SSBP2: variants seen among roughly 807,000 people sequenced by gnomAD.
SSBP2 encodes single-stranded DNA-binding protein 2.
Under a neutral mutation model 61.8 loss-of-function variants are expected in SSBP2, and 17 were observed. The observed-to-expected ratio is 0.28, with a 90% CI of 0.19 to 0.41. The LOEUF (loss-of-function observed/expected upper bound fraction) is 0.41. SSBP2 is among the 10% of genes least tolerant of loss of function. SSBP2 has a pLI of 1.00. For synonymous variants in SSBP2, 139 were observed against 141.3 expected (o/e 0.98, Z 0.12); for missense variants, 310 against 458.7 (o/e 0.68, Z 2.96).
chr5:81,529,412 AGGCATTGC>A (rs1405857511), intron 4 of SSBP2, among the ~76,000 whole-genome samples: 1 of 152,174 alleles, frequency 6.6e-6, no homozygotes, highest in East Asian at 1.9e-4. Flanking sequence ...GCCTAAGCAG[AGGCATTGC>A]CACCTATCCT....
At chr5:81,501,260 TATATATATACACACAC>T (rs1767721594) in intron 5 of SSBP2, among the ~76,000 whole-genome samples, 1 of 49,010 alleles carries the variant, frequency 2.0e-5, no homozygotes, top group African/African-American at 1.4e-4. Flanking sequence ...TATATATATA[TATATATATACACACAC>T]ACACACATGC....
chr5:81,575,198 G>T lies in SSBP2; in HGVS notation c.282+40275C>A, dbSNP rs184130797. Among the ~76,000 whole-genome samples the T allele has an allele frequency of 3.9e-5, 6 of 152,294 alleles. No individual in the cohort carries two copies. The East Asian group carries it at 1.2e-3, about 29-fold the overall frequency. ...CAGGAGAATCACTTGAACTCGGGAG[G>T]TGGAGGTTGCAGTGAGCTGAGATCA... On this transcript the variant is annotated intron_variant, in intron 4 of 16. Transcript: ENST00000320672.
intron 5 of SSBP2, among the ~76,000 whole-genome samples, chr5:81,505,499 ATTT>A (rs1768114067): frequency 6.6e-6 from 1 of 152,184 alleles, no homozygotes; most frequent in African/African-American, 2.4e-5. Flanking sequence ...AATGTGGAGC[ATTT>A]TTGTTTCTGT....
At chr5:81,535,077 G>T (rs1008258556) in intron 4 of SSBP2, among the ~76,000 whole-genome samples, 3 of 151,978 alleles carry the variant, frequency 2.0e-5, no homozygotes, top group Admixed American at 6.6e-5. Context: ...ACAGTAAGGT[G>T]TCAGGATACA....
chr5:81,445,625 T>C (rs1561408204), intron 12 of SSBP2, among the ~76,000 whole-genome samples: 2 of 152,110 alleles, frequency 1.3e-5, no homozygotes, highest in Non-Finnish European at 2.9e-5. Flanking sequence ...AAGTAAAATT[T>C]TGTATTAATT....
chr5:81,582,465 A>G (rs10060208), intron 4 of SSBP2, among the ~76,000 whole-genome samples: 7,925 of 152,258 alleles, frequency 0.052, 385 homozygotes, highest in African/African-American at 0.12. Context: ...TTGCTACTAC[A>G]CAGTAAAATT....
At chr5:81,585,892 G>C (rs1403521161) in intron 4 of SSBP2, among the ~76,000 whole-genome samples, 1 of 152,014 alleles carries the variant, frequency 6.6e-6, no homozygotes, top group Non-Finnish European at 1.5e-5. Context: ...GAGATCATGT[G>C]GTATTTGTCT....
At chr5:81,633,776 G>T (rs1747951229) in intron 3 of SSBP2, among the ~76,000 whole-genome samples, 1 of 152,154 alleles carries the variant, frequency 6.6e-6, no homozygotes, top group Admixed American at 6.6e-5. Flanking sequence ...CTTAACAGCT[G>T]AACTCTTCAC....
chr5:81,598,447 C>T (rs1019423772), intron 4 of SSBP2, among the ~76,000 whole-genome samples: 41 of 152,174 alleles, frequency 2.7e-4, no homozygotes, highest in African/African-American at 9.4e-4. Flanking sequence ...TTCCCTACTA[C>T]ACCCTGTCTG....
At chr5:81,738,215 T>G (rs1186706034) in intron 1 of SSBP2, among the ~76,000 whole-genome samples, 3 of 152,212 alleles carry the variant, frequency 2.0e-5, no homozygotes, top group African/African-American at 7.2e-5. Context: ...TTTTTCTTGA[T>G]GTGGGTACTT....
At chr5:81,644,737 A>G (rs1180874826) in intron 2 of SSBP2, among the ~76,000 whole-genome samples, 1 of 152,220 alleles carries the variant, frequency 6.6e-6, no homozygotes, top group African/African-American at 2.4e-5. Flanking sequence ...AGGGAGAACC[A>G]GAGTGGGGCT....
At chr5:81,670,646 A>G (rs1412546311) in intron 1 of SSBP2, among the ~76,000 whole-genome samples, 1 of 152,190 alleles carries the variant, frequency 6.6e-6, no homozygotes, top group Non-Finnish European at 1.5e-5. Context: ...AAAAGCATTG[A>G]AAATAACTTA....
At chr5:81,751,155 C>T, upstream of SSBP2, 1 of 1,127,760 alleles carries the variant, frequency 8.9e-7, no homozygotes, top group South Asian at 1.4e-5. Flanking sequence ...TATTGGCCGC[C>T]CCACGCCAAA....
At chr5:81,702,115 G>C (rs893734251) in intron 1 of SSBP2, among the ~76,000 whole-genome samples, 1 of 152,182 alleles carries the variant, frequency 6.6e-6, no homozygotes, top group Non-Finnish European at 1.5e-5. Flanking sequence ...GCTCACGCCT[G>C]TAATCCCAGC....
At chr5:81,438,782 T>C (rs532690158) in intron 14 of SSBP2, among the ~76,000 whole-genome samples, 39 of 152,196 alleles carry the variant, frequency 2.6e-4, no homozygotes, top group Non-Finnish European at 5.1e-4. Context: ...TATTGCAAAG[T>C]GAATTATTTT....
chr5:81,666,182 C>T (rs1751118933), intron 1 of SSBP2, among the ~76,000 whole-genome samples: 1 of 152,134 alleles, frequency 6.6e-6, no homozygotes, highest in South Asian at 2.1e-4. Context: ...AACCAAATAA[C>T]ATGAATACCC....
rs1161659108 is a variant in SSBP2, at chr5:81,751,014, C to G, written c.29G>C (p.Ser10Thr). The change falls in exon 1 of 17, where the codon AGC (serine) becomes ACC (threonine). Residue 10 changes from serine to threonine, a missense_variant. This residue lies in a region of SSBP2 where 36 missense variants were observed against 27.0 expected (regional missense o/e 1.33). Transcript: ENST00000320672. ...GGCCTGGCTGTCGGACGGGACGGCGCTGCTGTTACTCTTGCCTTTGCCGTA... is the reference window on the plus strand; with the variant it reads ...GGCCTGGCTGTCGGACGGGACGGCGGTGCTGTTACTCTTGCCTTTGCCGTA... 1 of 1,599,530 alleles carries G rather than the reference C, an allele frequency of 6.3e-7. No individual in the cohort carries two copies. The highest frequency in any genetic ancestry group is 1.7e-4 in the Middle Eastern group (1 of 6,040).
At chr5:81,576,293 A>G (rs941423186) in intron 4 of SSBP2, among the ~76,000 whole-genome samples, 3 of 151,834 alleles carry the variant, frequency 2.0e-5, no homozygotes, top group Non-Finnish European at 4.4e-5. Flanking sequence ...GACTAATTTT[A>G]TATGCAAGTG....
chr5:81,737,567 G>T (rs944146813), intron 1 of SSBP2, among the ~76,000 whole-genome samples: 12 of 151,926 alleles, frequency 7.9e-5, no homozygotes, highest in African/African-American at 2.2e-4. Flanking sequence ...CGGATCACGA[G>T]GTCAGGAGAC....
Sources: gnomAD v4.1 joint callset for allele counts (sites outside exome capture counted in the v4.1 genomes callset) on GRCh38, gnomAD v4.1.1 for gene constraint, gnomAD v4.1.1 regional missense constraint, MANE v1.5 for transcripts, NCBI Gene and HGNC (gene_info 2026-07-23, HGNC 2026-07-21) for gene names.